Variants in SLC4A10 observed in about 807,000 individuals in gnomAD.
SLC4A10 encodes solute carrier family 4 member 10, also known as sodium-driven chloride bicarbonate exchanger.
A neutral mutation model predicts 137.7 loss-of-function variants in SLC4A10; 42 were observed. That is an observed-to-expected ratio of 0.30 (90% CI 0.24 to 0.39). SLC4A10 has a LOEUF of 0.39. Ranked by LOEUF, SLC4A10 falls within the 10% of genes least tolerant of loss-of-function variation. The pLI is 1.00. For missense variants in SLC4A10, 925 were observed against 1,355.0 expected, an observed-to-expected ratio of 0.68 and a Z score of 4.98; for synonymous variants, 474 against 464.1, an observed-to-expected ratio of 1.02 and a Z score of -0.27.
At chr2:161,913,630 CAGATA>C (rs1395705492) in intron 15 of SLC4A10, among the ~76,000 whole-genome samples, 1 of 152,166 alleles carries the variant, frequency 6.6e-6, no homozygotes, top group African/African-American at 2.4e-5. Flanking sequence ...TCTTCTGGAG[CAGATA>C]AGATCTATTT....
intron 1 of SLC4A10, among the ~76,000 whole-genome samples, chr2:161,748,584 T>G (rs1168071481): frequency 6.6e-6 from 1 of 152,064 alleles, no homozygotes; most frequent in Non-Finnish European, 1.5e-5. Context: ...AAAAGTCAGT[T>G]GAATGTGTAT....
intron 9 of SLC4A10, among the ~76,000 whole-genome samples, chr2:161,880,938 C>T (rs1000869500): frequency 3.3e-5 from 5 of 151,984 alleles, no homozygotes; most frequent in African/African-American, 9.7e-5. Context: ...TATACCCTTA[C>T]TGTGAAAACT....
intron 1 of SLC4A10, among the ~76,000 whole-genome samples, chr2:161,723,839 T>C (rs2045944146): frequency 6.6e-6 from 1 of 152,244 alleles, no homozygotes; most frequent in Non-Finnish European, 1.5e-5. Flanking sequence ...ATTGCTGCTT[T>C]ACATACTGAT....
intron 1 of SLC4A10, among the ~76,000 whole-genome samples, chr2:161,751,466 G>C (rs1364273726): frequency 1.3e-5 from 2 of 149,468 alleles, no homozygotes; most frequent in Non-Finnish European, 3.0e-5. Flanking sequence ...ATATTTTATA[G>C]TTATAATAGT....
rs754718619 is a variant in SLC4A10 at position 161,862,925 on chromosome 2, G to A, written c.629G>A (p.Arg210His). The change falls in exon 6 of 27, where the codon CGC becomes CAC. Residue 210 changes from arginine (R) to histidine (H), a missense_variant. Arg to His is a conservative substitution (Grantham distance 29, BLOSUM62 0). Transcript: ENST00000446997. ...VSSGQLNEDV[R>H]HRVHEALMKQ... ...TCAGGTCAGCTGAATGAAGATGTAC[G>A]CCATAGGGTCCATGAGGCATTGATG... 12 of 1,612,126 alleles carry A rather than the reference G, an allele frequency of 7.4e-6. No homozygotes were observed. Among genetic ancestry groups the A allele is most frequent in the South Asian group, 3.3e-5 (3 of 90,726 alleles).
At chr2:161,656,688 A>C (rs1365753765) in intron 1 of SLC4A10, among the ~76,000 whole-genome samples, 1 of 152,142 alleles carries the variant, frequency 6.6e-6, no homozygotes, top group African/African-American at 2.4e-5. Context: ...CTGAGTCACC[A>C]GCTGACCATT....
At chr2:161,812,242 G>A (rs571607240) in intron 3 of SLC4A10, among the ~76,000 whole-genome samples, 5 of 152,114 alleles carry the variant, frequency 3.3e-5, no homozygotes, top group South Asian at 2.1e-4. Context: ...TACACGAATA[G>A]TTTTCCACCT....
intron 7 of SLC4A10, among the ~76,000 whole-genome samples, chr2:161,872,941 T>G (rs1483918235): frequency 1.3e-5 from 2 of 152,276 alleles, no homozygotes; most frequent in South Asian, 2.1e-4. Context: ...CTCGAACTCC[T>G]GACCTCAGGT....
intron 3 of SLC4A10, among the ~76,000 whole-genome samples, chr2:161,835,288 C>T (rs1294848318): frequency 1.3e-5 from 2 of 152,166 alleles, no homozygotes; most frequent in African/African-American, 4.8e-5. Flanking sequence ...CCGTCCACCT[C>T]GGCCTCCCAA....
chr2:161,896,608 T>A (rs980186135), intron 11 of SLC4A10, among the ~76,000 whole-genome samples: 6 of 152,000 alleles, frequency 3.9e-5, no homozygotes, highest in Non-Finnish European at 1.5e-5. Context: ...CAAGGAGAAC[T>A]ACAAACCACT....
At chr2:161,831,972 G>T (rs749575663) in intron 3 of SLC4A10, among the ~76,000 whole-genome samples, 2 of 152,136 alleles carry the variant, frequency 1.3e-5, no homozygotes, top group Non-Finnish European at 2.9e-5. Context: ...GTCTTTACAA[G>T]TATGTTTATA....
intron 2 of SLC4A10, among the ~76,000 whole-genome samples, chr2:161,785,766 C>G (rs1574957749): frequency 6.6e-6 from 1 of 151,916 alleles, no homozygotes; most frequent in Non-Finnish European, 1.5e-5. Context: ...AGCTTTTCCT[C>G]TAAGTTCAGG....
At chr2:161,644,589 G>A (rs537900879) in intron 1 of SLC4A10, among the ~76,000 whole-genome samples, 1 of 152,226 alleles carries the variant, frequency 6.6e-6, no homozygotes, top group African/African-American at 2.4e-5. Flanking sequence ...CTCTATGAAT[G>A]GATTTGAATA....
intron 1 of SLC4A10, among the ~76,000 whole-genome samples, chr2:161,705,867 T>G (rs2043608183): frequency 1.3e-5 from 2 of 151,676 alleles, no homozygotes; most frequent in African/African-American, 4.8e-5. Flanking sequence ...TTGGCTACTC[T>G]TCATTTCTTT....
At chr2:161,970,321 A>G (rs1285623099) in intron 23 of SLC4A10, among the ~76,000 whole-genome samples, 1 of 152,120 alleles carries the variant, frequency 6.6e-6, no homozygotes, top group Non-Finnish European at 1.5e-5. Flanking sequence ...TGTTAGTTTT[A>G]TGTATTGGCT....
intron 15 of SLC4A10, among the ~76,000 whole-genome samples, chr2:161,930,312 C>A (rs969239291): frequency 1.3e-4 from 20 of 152,022 alleles, no homozygotes; most frequent in African/African-American, 4.8e-4. Context: ...GAACAAAAAT[C>A]TCTCCTACCA....
chr2:161,835,450 C>T (rs2058705967), intron 3 of SLC4A10, among the ~76,000 whole-genome samples: 1 of 152,136 alleles, frequency 6.6e-6, no homozygotes, highest in Non-Finnish European at 1.5e-5. Context: ...AAGCAAACAC[C>T]ACCAGTAGAT....
At chr2:161,662,473 A>C (rs1446812964) in intron 1 of SLC4A10, among the ~76,000 whole-genome samples, 6 of 152,172 alleles carry the variant, frequency 3.9e-5, no homozygotes, top group African/African-American at 1.4e-4. Context: ...CCTGTATTAC[A>C]AAAATAATAC....
At chr2:161,654,095 T>G (rs2037183043) in intron 1 of SLC4A10, among the ~76,000 whole-genome samples, 1 of 152,190 alleles carries the variant, frequency 6.6e-6, no homozygotes, top group Non-Finnish European at 1.5e-5. Flanking sequence ...TGAAGTGATG[T>G]CTTAAGTAAT....
Sources: gnomAD v4.1 joint callset for allele counts (sites outside exome capture counted in the v4.1 genomes callset) on GRCh38, gnomAD v4.1.1 for gene constraint, MANE v1.5 for transcripts, NCBI Gene and HGNC (gene_info 2026-07-23, HGNC 2026-07-21) for gene names.